The following SPDYE1 variants were observed in gnomAD, a reference collection of about 807,000 sequenced individuals.
The protein encoded by SPDYE1 is speedy protein E1.
Under a neutral mutation model 45.9 loss-of-function variants are expected in SPDYE1, and 29 were observed. The observed-to-expected ratio is 0.63, with a 90% confidence interval of 0.47 to 0.86. The LOEUF (loss-of-function observed/expected upper bound fraction) is 0.86. Among genes scored for constraint, SPDYE1 ranks in the 40% least tolerant of loss-of-function variants. The probability of loss-of-function intolerance (pLI) is 0.00; values close to 1 mark genes in which losing one functional copy is unlikely to be tolerated. For missense variants in SPDYE1, 346 were observed against 481.4 expected (o/e 0.72, Z 2.63); for synonymous variants, 134 against 176.8 (o/e 0.76, Z 1.92).
At chr7:44,008,066 T>C (rs978162692) in intron 8 of SPDYE1, among the ~76,000 whole-genome samples, 2 of 152,232 alleles carry the variant, frequency 1.3e-5, no homozygotes, top group Non-Finnish European at 2.9e-5. Context: ...TGCACTCCAG[T>C]CTGGGCGACA....
chr7:44,002,327 A>AAG (rs1201470162), intron 3 of SPDYE1, among the ~76,000 whole-genome samples: 4 of 131,980 alleles, frequency 3.0e-5, no homozygotes, highest in African/African-American at 1.1e-4. Flanking sequence ...AACAAAAAAA[A>AAG]AAAAAAAAAA....
chr7:44,005,025 A>C, intron 5 of SPDYE1, 117 bp from the exon 6 acceptor site: 1 of 1,221,526 alleles, frequency 8.2e-7, no homozygotes, highest in Middle Eastern at 2.7e-4. Context: ...AGTCACCCCA[A>C]CACTGAGGTC....
At position 44,007,477 on chromosome 7, in the gene SPDYE1, C is replaced by T. The variant is rs762922434; in HGVS notation, c.962C>T (p.Pro321Leu). ...TTCCAGTTACGCCGTTGCATGAACC[C>T]GAGGGCCAGGAAGAACCGCTCTCAG... ...RRFQLRRCMN[P>L]RARKNRSQIV... The change falls in exon 7 of 9, where the codon CCG becomes CTG. Residue 321 changes from proline to leucine, a missense_variant. Physicochemically the swap from Pro to Leu is moderately conservative, Grantham distance 98. This residue lies in a region of SPDYE1 where 186 missense variants were observed against 219.1 expected (regional missense o/e 0.85). Coordinates refer to ENST00000693451, the MANE Select transcript of SPDYE1 (RefSeq NM_001378423.2). 5.6e-6 allele frequency: 9 copies of T among 1,613,686 alleles called. No individual in the cohort carries two copies. Among genetic ancestry groups the T allele is most frequent in the African/African-American group, 1.3e-5 (1 of 74,884 alleles).
intron 8 of SPDYE1, 190 bp downstream of exon 8, chr7:44,008,003 A>G (rs2128779862): frequency 6.9e-7 from 1 of 1,443,634 alleles, no homozygotes; most frequent in East Asian, 2.5e-5. Context: ...CCGAGGCGGG[A>G]GGATTGCTGG....
In SPDYE1 at chr7:43,999,908, T is replaced by C; in HGVS notation, c.-42T>C. On this transcript the variant is annotated 5_prime_UTR_variant, in exon 2 of 9. Transcript: ENST00000693451. The stretch of plus-strand genomic sequence containing the variant: ...GACTTCTCCTAGGCTTGAGAATTGA[T>C]AACATACTCTTCTGGATCCTAGCAG... 1.0e-6 allele frequency: 1 copy of C among 979,118 alleles called. No homozygotes were observed. The highest frequency in any genetic ancestry group is 1.2e-6 in the Non-Finnish European group (1 of 827,682). 60.7% of individuals were successfully genotyped at this position (979,118 alleles called of 1,614,324 possible). A position where few individuals can be genotyped will look rare whatever the true frequency, so the allele number is the denominator to read the frequency against.
chr7:44,002,581 T>C lies in SPDYE1; in HGVS notation c.380-9T>C. Reference sequence around the variant, plus strand: ...AAGCATTACACCGTGGCCTGGTTTCTTTACTCAGCCCCTGGGGTAGATCCC... The same window carrying C: ...AAGCATTACACCGTGGCCTGGTTTCCTTACTCAGCCCCTGGGGTAGATCCC... On this transcript the variant is annotated splice_polypyrimidine_tract_variant and intron_variant, in intron 3 of 8. Transcript: ENST00000693451. 1 of 1,574,982 alleles carries C rather than the reference T, an allele frequency of 6.3e-7. No individual in the cohort carries two copies. The highest frequency in any genetic ancestry group is 2.3e-5 in the East Asian group (1 of 44,182).
At position 44,007,403 on chromosome 7, in the gene SPDYE1, G is replaced by C. The variant is rs748538717; in HGVS notation, c.888G>C (p.Pro296=). 7 of 1,611,762 alleles carry C rather than the reference G, an allele frequency of 4.3e-6. No homozygotes were observed. Among genetic ancestry groups the C allele is most frequent in the Non-Finnish European group, 5.9e-6 (7 of 1,179,102 alleles). Residue 296 remains proline, a synonymous_variant, in exon 7 of 9, where the codon CCG becomes CCC. Coordinates refer to ENST00000693451, the MANE Select transcript of SPDYE1 (RefSeq NM_001378423.2). ...RRFQLYRSMN[P]RARKNRSHIP... ...TCCAGTTATACCGTTCCATGAACCCGAGGGCCAGGAAGAACCGCTCTCACA... is the reference window on the plus strand; with the variant it reads ...TCCAGTTATACCGTTCCATGAACCCCAGGGCCAGGAAGAACCGCTCTCACA...
rs538954745 is a variant in SPDYE1 at position 44,002,686 on chromosome 7, G to C, written c.476G>C (p.Arg159Pro). 18 of 1,597,206 alleles carry C rather than the reference G, an allele frequency of 1.1e-5. No homozygotes were observed. The highest frequency in any genetic ancestry group is 1.5e-5 in the Non-Finnish European group (18 of 1,179,896). ...DKSEESEEEP[R>P]KVLAPEPEEI... ...TCTGAGGAGTCGGAGGAGGAGCCACGGAAGGTGCTCGCCCCTGAGCCTGAG... is the reference window on the plus strand; with the variant it reads ...TCTGAGGAGTCGGAGGAGGAGCCACCGAAGGTGCTCGCCCCTGAGCCTGAG... The change falls in exon 4 of 9, where the codon CGG becomes CCG. Residue 159 changes from arginine (R) to proline (P), a missense_variant. Arg to Pro is a moderately radical substitution (Grantham distance 103). Coordinates refer to ENST00000693451, the MANE Select transcript of SPDYE1 (RefSeq NM_001378423.2).
rs1024759331 is a variant in SPDYE1 at position 44,007,522 on chromosome 7, G to A, written c.1007G>A (p.Arg336His). ...NRSQIVLFQK[R>H]RFHFFCSMSC... ...TCTCAGATAGTCCTGTTCCAGAAAC[G>A]TCGGTTCCACTTCTTCTGTTCCATG... The change falls in exon 7 of 9, where the codon CGT becomes CAT. Residue 336 changes from arginine to histidine, a missense_variant. This residue lies in a region of SPDYE1 where 186 missense variants were observed against 219.1 expected (regional missense o/e 0.85). Transcript: ENST00000693451. 4.3e-6 allele frequency: 7 copies of A among 1,613,708 alleles called. No homozygotes were observed. Among genetic ancestry groups the A allele is most frequent in the African/African-American group, 2.7e-5 (2 of 74,930 alleles).
chr7:44,007,784 GGAGGCCT>G lies in SPDYE1; in HGVS notation c.*21_*27del. On this transcript the variant is annotated 3_prime_UTR_variant, in exon 8 of 9. Transcript: ENST00000693451. ...CCTTTCCTAGAGCTCCAGGGACCGT[GGAGGCCT>G]GAGGTCATCGGCCTGAGAGAAGGTA... 2 of 1,609,510 alleles carry G rather than the reference GGAGGCCT, an allele frequency of 1.2e-6. No individual in the cohort carries two copies. Among genetic ancestry groups the G allele is most frequent in the Non-Finnish European group, 1.7e-6 (2 of 1,179,482 alleles).
rs748806497 is a variant in SPDYE1 at position 44,002,667 on chromosome 7, G to T, written c.457G>T (p.Glu153Ter). 2 of 1,597,612 alleles carry T rather than the reference G, an allele frequency of 1.3e-6. No homozygotes were observed. The highest frequency in any genetic ancestry group is 4.5e-5 in the East Asian group (2 of 44,852). The change falls in exon 4 of 9, where the codon GAG becomes TAG. Residue 153 changes from glutamate to a stop codon, truncating the protein, a stop_gained. Transcript: ENST00000693451. LOFTEE classifies it high-confidence loss of function. ...GATGGAGTGGTGGGACAAATCTGAG[G>T]AGTCGGAGGAGGAGCCACGGAAGGT... ...RKMEWWDKSE[E>*]SEEEPRKVLA...
rs1038584340 is a variant in SPDYE1 at position 44,002,646 on chromosome 7, G to A, written c.436G>A (p.Glu146Lys). 1.3e-6 allele frequency: 2 copies of A among 1,597,542 alleles called. No homozygotes were observed. The highest frequency in any genetic ancestry group is 1.1e-5 in the South Asian group (1 of 90,976). Reference sequence around the variant, plus strand: ...GTCCTTTTGCTGGAAAAGGAAGATGGAGTGGTGGGACAAATCTGAGGAGTC... The same window carrying A: ...GTCCTTTTGCTGGAAAAGGAAGATGAAGTGGTGGGACAAATCTGAGGAGTC... ...HRSFCWKRKM[E>K]WWDKSEESEE... Residue 146 changes from glutamate (E) to lysine (K), a missense_variant, in exon 4 of 9, where the codon GAG (glutamate) becomes AAG (lysine). Physicochemically the swap from Glu to Lys is moderately conservative, Grantham distance 56 (BLOSUM62 1). Coordinates refer to ENST00000693451, the MANE Select transcript of SPDYE1 (RefSeq NM_001378423.2).
intron 5 of SPDYE1, 84 bp from the exon 6 acceptor site, chr7:44,005,058 C>G (rs1301685412): frequency 6.7e-6 from 10 of 1,494,868 alleles, no homozygotes; most frequent in African/African-American, 1.4e-5. Context: ...GGCAGCCCCT[C>G]CCCAGACCCT....
rs199514220 is a variant in SPDYE1 at position 44,007,462 on chromosome 7, G to A, written c.947G>A (p.Arg316His). ...PLVRKRRFQLRRCMNPRARKN... is the reference protein window; with the variant it reads ...PLVRKRRFQLHRCMNPRARKN... The stretch of plus-strand genomic sequence containing the variant: ...GTCCGTAAGCGTCGGTTCCAGTTAC[G>A]CCGTTGCATGAACCCGAGGGCCAGG... The change falls in exon 7 of 9, where the codon CGC becomes CAC. Residue 316 changes from arginine to histidine, a missense_variant. Arg to His is a conservative substitution (Grantham distance 29). Coordinates refer to ENST00000693451, the MANE Select transcript of SPDYE1 (RefSeq NM_001378423.2). The A allele has an allele frequency of 4.3e-5, 67 of 1,572,496 alleles. No individual in the cohort carries two copies. The highest frequency in any genetic ancestry group is 4.1e-5 in the African/African-American group (3 of 73,248).
rs1353067799 is a variant in SPDYE1 at position 44,009,512 on chromosome 7, A to C, written c.*891A>C. ...GTGATTTTTAACATGTGTCAGATAT[A>C]TATACTAACACGTCTAATATATACT... is the stretch of plus-strand genomic sequence containing the variant. On this transcript the variant is annotated 3_prime_UTR_variant, in exon 9 of 9. Transcript: ENST00000693451. The C allele has an allele frequency of 6.6e-6, 1 of 151,316 alleles. No individual in the cohort carries two copies. The highest frequency in any genetic ancestry group is 2.4e-5 in the African/African-American group (1 of 41,328). 9.4% of individuals were successfully genotyped at this position (151,316 alleles called of 1,614,324 possible). A position where few individuals can be genotyped will look rare whatever the true frequency, so the allele number is the denominator to read the frequency against.
rs548745275 is a variant in SPDYE1 at position 44,002,591 on chromosome 7, C to T, written c.381C>T (p.Ala127=). The part of the protein sequence containing the change: ...EHHKDFNSQL[A]PGVDPSPPHR... ...CCGTGGCCTGGTTTCTTTACTCAGC[C>T]CCTGGGGTAGATCCCAGCCCCCCGC... Residue 127 remains alanine (A), a splice_region_variant and synonymous_variant, in exon 4 of 9, where the codon GCC becomes GCT. Transcript: ENST00000693451. 1.5e-5 allele frequency: 24 copies of T among 1,581,076 alleles called. No homozygotes were observed. The highest frequency in any genetic ancestry group is 5.4e-5 in the African/African-American group (4 of 73,968).
Position 44,009,725 on chromosome 7 carries a change from A to G in SPDYE1, c.*1104A>G, listed in dbSNP as rs1181358857. ...TTCTATAAAGCTGTGTGATGGTATT[A>G]TAACTGTTATATACACATACATATA... On this transcript the variant is annotated 3_prime_UTR_variant, in exon 9 of 9. Coordinates refer to ENST00000693451, the MANE Select transcript of SPDYE1 (RefSeq NM_001378423.2). 6.6e-6 allele frequency: 1 copy of G among 151,216 alleles called. No homozygotes were observed. The highest frequency in any genetic ancestry group is 2.4e-5 in the African/African-American group (1 of 41,340). The allele number at this position is 151,216 out of a possible 1,614,324, so 9.4% of individuals were successfully genotyped here.
In SPDYE1 at chr7:43,999,608, T is replaced by C. The variant is rs906549422; in HGVS notation, c.-342T>C. Among the ~76,000 whole-genome samples the C allele has an allele frequency of 4.0e-5, 6 of 151,216 alleles. No homozygotes were observed. The highest frequency in any genetic ancestry group is 1.3e-4 in the Admixed American group (2 of 15,088). On this transcript the variant is annotated 5_prime_UTR_variant, in exon 2 of 9. Transcript: ENST00000693451. ...CTTTGAGTGGAGAGGACACAGCCTCTGCTGGGACAGGGAACAGAGGGATGT... is the reference window on the plus strand; with the variant it reads ...CTTTGAGTGGAGAGGACACAGCCTCCGCTGGGACAGGGAACAGAGGGATGT...
Position 44,002,761 on chromosome 7 carries a change from G to A in SPDYE1, c.551G>A (p.Arg184Gln), listed in dbSNP as rs560703868. ...MLCGLKMKLKRRRVSLVLPEH... is the reference protein window; with the variant it reads ...MLCGLKMKLKQRRVSLVLPEH... ...TGTGGCCTCAAGATGAAGCTGAAGC[G>A]ACGGCGAGTGTCGCTCGTGCTCCCT... is the stretch of plus-strand genomic sequence containing the variant. The change falls in exon 4 of 9, where the codon CGA becomes CAA. Residue 184 changes from arginine (R) to glutamine (Q), a missense_variant. Arg to Gln is a conservative substitution (Grantham distance 43). Around this residue, in one of 4 missense-constraint regions of SPDYE1, gnomAD observed 141 missense variants for 176.7 expected, o/e 0.80. Transcript: ENST00000693451. 92 of 1,567,838 alleles carry A rather than the reference G, an allele frequency of 5.9e-5. No homozygotes were observed. Among genetic ancestry groups the A allele is most frequent in the Non-Finnish European group, 7.1e-5 (83 of 1,167,894 alleles).
Sources: gnomAD v4.1 joint callset for allele counts (sites outside exome capture counted in the v4.1 genomes callset) on GRCh38, gnomAD v4.1.1 for gene constraint, gnomAD v4.1.1 regional missense constraint, MANE v1.5 for transcripts, NCBI Gene and HGNC (gene_info 2026-07-23, HGNC 2026-07-21) for gene names.